The following ARHGEF9 variants were observed in gnomAD, a reference collection of about 807,000 sequenced individuals.
The protein encoded by ARHGEF9 is Cdc42 guanine nucleotide exchange factor 9, also known as rho guanine nucleotide exchange factor 9.
Under a neutral mutation model 41.3 loss-of-function variants are expected in ARHGEF9, and 2 were observed. That is an observed-to-expected ratio of 0.05 (90% CI 0.02 to 0.15). The LOEUF (loss-of-function observed/expected upper bound fraction) is 0.15, where lower values mean the gene tolerates loss of function less well. ARHGEF9 is among the 10% of genes least tolerant of loss of function. ARHGEF9 has a pLI of 1.00. For missense variants in ARHGEF9, 225 were observed against 424.7 expected (o/e 0.53, Z 4.13); for synonymous variants, 160 against 154.4 (o/e 1.04, Z -0.27).
intron 2 of ARHGEF9, among the ~76,000 whole-genome samples, chrX:63,721,820 A>C (rs1350647502): frequency 1.3e-4 from 14 of 110,880 alleles, no homozygotes; most frequent in African/African-American, 4.6e-4. Flanking sequence ...AAGGTATATC[A>C]GCTCCTACAT....
At chrX:63,707,384 A>C (rs1244703055) in intron 2 of ARHGEF9, 1 of 105,419 alleles carries the variant, frequency 9.5e-6, no homozygotes, top group Non-Finnish European at 1.9e-5. Flanking sequence ...AAAAAAAAAA[A>C]CCTTTGGGAC....
chrX:63,675,591 A>T (rs1210451545), intron 5 of ARHGEF9, among the ~76,000 whole-genome samples: 1 of 111,982 alleles, frequency 8.9e-6, no homozygotes, highest in Non-Finnish European at 1.9e-5. Context: ...ATCCATGTAA[A>T]CTATTTTACT....
intron 7 of ARHGEF9, among the ~76,000 whole-genome samples, chrX:63,656,140 AG>A (rs2048864334): frequency 9.0e-6 from 1 of 111,490 alleles, no homozygotes; most frequent in Non-Finnish European, 1.9e-5. Flanking sequence ...TGTGCAGGCC[AG>A]TGAGACCTGA....
In ARHGEF9 at chrX:63,655,728, G is replaced by C; in HGVS notation, c.1087C>G (p.Arg363Gly). ...QMVLCKKDLI[R>G]RDILYYKGRI... is the part of the protein sequence containing the mutation. The stretch of plus-strand genomic sequence containing the variant: ...CCTTTGTAGTACAGGATGTCTCTCC[G>C]GATTAGGTCCTAGATGGGAAGGAAG... The change falls in exon 8 of 10, where the codon CGG becomes GGG. Residue 363 changes from arginine to glycine, a missense_variant. By Grantham distance (125) the Arg-to-Gly change is moderately radical (BLOSUM62 -2). Around this residue, in one of 3 missense-constraint regions of ARHGEF9, gnomAD observed 36 missense variants for 113.6 expected, o/e 0.32. Coordinates refer to ENST00000671741, the MANE Select transcript of ARHGEF9 (RefSeq NM_001353921.2). 8.3e-7 allele frequency: 1 copy of C among 1,208,310 alleles called. No individual in the cohort carries two copies. The highest frequency in any genetic ancestry group is 1.1e-6 in the Non-Finnish European group (1 of 894,911).
intron 1 of ARHGEF9, among the ~76,000 whole-genome samples, chrX:63,735,673 G>A (rs2054574720): frequency 9.0e-6 from 1 of 111,259 alleles, no homozygotes; most frequent in Non-Finnish European, 1.9e-5. Flanking sequence ...TATATCTAGA[G>A]ATGAAGCAGG....
intron 8 of ARHGEF9, among the ~76,000 whole-genome samples, chrX:63,649,980 A>G (rs1308018168): frequency 8.9e-6 from 1 of 111,898 alleles, no homozygotes; most frequent in African/African-American, 3.2e-5. Context: ...TAAATCCTGA[A>G]AGTAGGAAAA....
intron 8 of ARHGEF9, among the ~76,000 whole-genome samples, chrX:63,654,939 C>A (rs1288366753): frequency 8.9e-6 from 1 of 112,055 alleles, no homozygotes; most frequent in African/African-American, 3.2e-5. Context: ...AAAAGAGAAA[C>A]AACTTATTGT....
intron 1 of ARHGEF9, among the ~76,000 whole-genome samples, chrX:63,733,688 T>C (rs1291282483): frequency 8.9e-6 from 1 of 111,959 alleles, no homozygotes; most frequent in African/African-American, 3.2e-5. Context: ...TACACATCAG[T>C]TTCCTTCAAT....
intron 4 of ARHGEF9, among the ~76,000 whole-genome samples, chrX:63,689,928 T>A (rs1473009039): frequency 9.0e-6 from 1 of 111,541 alleles, no homozygotes; most frequent in South Asian, 3.7e-4. Flanking sequence ...TTTTAAAAAA[T>A]AGAAATTTCT....
chrX:63,712,586 T>G (rs1384761818), intron 2 of ARHGEF9, among the ~76,000 whole-genome samples: 1 of 111,813 alleles, frequency 8.9e-6, no homozygotes, highest in Non-Finnish European at 1.9e-5. Context: ...ATATACAGTT[T>G]TATCTATTAA....
chrX:63,763,378 T>G (rs1313780378), intron 1 of ARHGEF9, among the ~76,000 whole-genome samples: 2 of 111,093 alleles, frequency 1.8e-5, no homozygotes, highest in African/African-American at 6.5e-5. Flanking sequence ...ATATATTATG[T>G]ATTAATATAT....
At chrX:63,770,783 G>A (rs1167641747) in intron 1 of ARHGEF9, among the ~76,000 whole-genome samples, 3 of 111,805 alleles carry the variant, frequency 2.7e-5, no homozygotes, top group African/African-American at 9.8e-5. Flanking sequence ...TAAGTACCTG[G>A]CATTTCCTCT....
intron 3 of ARHGEF9, 64 bp downstream of exon 3, chrX:63,706,194 G>T: frequency 8.9e-7 from 1 of 1,120,417 alleles, no homozygotes; most frequent in Non-Finnish European, 1.2e-6. Context: ...GACTGTCACA[G>T]GCAGGGCCCA....
chrX:63,685,180 G>C (rs1462961572), intron 4 of ARHGEF9, among the ~76,000 whole-genome samples: 1 of 111,351 alleles, frequency 9.0e-6, no homozygotes, highest in Non-Finnish European at 1.9e-5. Context: ...TTTGACTGTA[G>C]TCATCACTTC....
intron 9 of ARHGEF9, among the ~76,000 whole-genome samples, chrX:63,643,136 T>C (rs1556308180): frequency 1.8e-5 from 2 of 112,158 alleles, no homozygotes; most frequent in Admixed American, 1.9e-4. Context: ...CTGAGCATGA[T>C]AGTTTTGTTC....
chrX:63,691,203 T>C (rs1319785701), intron 4 of ARHGEF9, among the ~76,000 whole-genome samples: 3 of 111,715 alleles, frequency 2.7e-5, no homozygotes, highest in Non-Finnish European at 5.7e-5. Flanking sequence ...TTATCCTTGT[T>C]AGCAGATGAT....
At position 63,774,092 on chromosome X, in the gene ARHGEF9, T is replaced by TCTAC. The variant is rs2056250337; in HGVS notation, c.30+11020_30+11023dup. On this transcript the variant is annotated intron_variant, in intron 1 of 9. Transcript: ENST00000671741. The stretch of plus-strand genomic sequence containing the variant: ...ATCTATCTATCTATCTATCTATCTA[T>TCTAC]CTACTTATCCACTCACCCATCCATT... Among the ~76,000 whole-genome samples, 8 of 100,407 alleles carry TCTAC rather than the reference T, an allele frequency of 8.0e-5. No homozygotes were observed. The Admixed American group carries it at 8.8e-4, about 11-fold the overall frequency. 87.2% of individuals were successfully genotyped at this position (100,407 alleles called of 115,157 possible).
In ARHGEF9 at chrX:63,723,990, G is replaced by A. The variant is rs868982579; in HGVS notation, c.210+542C>T. The stretch of plus-strand genomic sequence containing the variant: ...AAATTTGATATCAGTAAGCTCTAGC[G>A]CCTGGGGGGCAGGGAGCTCACACTC... On this transcript the variant is annotated intron_variant, in intron 2 of 9. Coordinates refer to ENST00000671741, the MANE Select transcript of ARHGEF9 (RefSeq NM_001353921.2). Among the ~76,000 whole-genome samples, 222 of 112,181 alleles carry A rather than the reference G, an allele frequency of 2.0e-3. 2 individuals carry two copies. The highest frequency in any genetic ancestry group is 4.6e-3 in the Middle Eastern group (1 of 219).
At position 63,669,692 on chromosome X, in the gene ARHGEF9, C is replaced by T. The variant is rs180966584; in HGVS notation, c.946-3675G>A. ...GGAATTCTGTGCCCCAAGAAAACCACATGGTTTGCTCCTTCCTCTCCTTCA... is the reference window on the plus strand; with the variant it reads ...GGAATTCTGTGCCCCAAGAAAACCATATGGTTTGCTCCTTCCTCTCCTTCA... On this transcript the variant is annotated intron_variant, in intron 6 of 9. Transcript: ENST00000671741. Among the ~76,000 whole-genome samples the T allele has an allele frequency of 4.5e-5, 5 of 111,896 alleles. No individual in the cohort carries two copies. In the South Asian group the frequency reaches 1.5e-3, roughly 34 times the overall value.
Sources: gnomAD v4.1 joint callset for allele counts (sites outside exome capture counted in the v4.1 genomes callset) on GRCh38, gnomAD v4.1.1 for gene constraint, gnomAD v4.1.1 regional missense constraint, MANE v1.5 for transcripts, NCBI Gene and HGNC (gene_info 2026-07-23, HGNC 2026-07-21) for gene names.